ITSN2: variants seen among roughly 807,000 people sequenced by gnomAD.
The protein encoded by ITSN2 is intersectin 2.
ITSN2 carries 156 observed loss-of-function variants against 243.7 expected under a neutral mutation model. The observed-to-expected ratio is 0.64, with a 90% CI of 0.56 to 0.73. ITSN2 has a LOEUF of 0.73. ITSN2 is among the 30% of genes least tolerant of loss of function. The pLI is 0.00. For synonymous variants in ITSN2, 703 were observed against 699.9 expected (o/e 1.00, Z -0.07); for missense variants, 1,801 against 1,996.1 (o/e 0.90, Z 1.86).
At chr2:24,250,048 A>G (rs1673894899) in intron 25 of ITSN2, among the ~76,000 whole-genome samples, 1 of 152,222 alleles carries the variant, frequency 6.6e-6, no homozygotes, top group Admixed American at 6.5e-5. Flanking sequence ...GTTTCACTTA[A>G]TAATGTCTTT....
intron 37 of ITSN2, 102 bp from the exon 38 acceptor site, chr2:24,205,399 C>A: frequency 1.0e-6 from 1 of 969,354 alleles, no homozygotes; most frequent in Non-Finnish European, 1.6e-6. Flanking sequence ...CCCCATCTGC[C>A]ACTGCCCTGG....
intron 23 of ITSN2, among the ~76,000 whole-genome samples, chr2:24,255,312 G>A (rs1223827733): frequency 6.6e-6 from 1 of 152,204 alleles, no homozygotes. Flanking sequence ...TATGGTTGTT[G>A]TTACTGTTAT....
At chr2:24,313,879 G>T (rs1468185913) in intron 3 of ITSN2, among the ~76,000 whole-genome samples, 1 of 152,146 alleles carries the variant, frequency 6.6e-6, no homozygotes, top group Admixed American at 6.5e-5. Flanking sequence ...GGTGTTAGGA[G>T]AGAGAGTCCT....
At chr2:24,301,272 G>A in intron 10 of ITSN2, 33 bp from the exon 11 acceptor site, 1 of 1,358,010 alleles carries the variant, frequency 7.4e-7, no homozygotes, top group Non-Finnish European at 1.0e-6. Flanking sequence ...TTAGCATCAT[G>A]TAGTCTGGAC....
rs1198597659 is a variant in ITSN2 at position 24,301,222 on chromosome 2, T to C, written c.1013A>G (p.Asp338Gly). 1 of 1,606,390 alleles carries C rather than the reference T, an allele frequency of 6.2e-7. No homozygotes were observed. The highest frequency in any genetic ancestry group is 8.5e-7 in the Non-Finnish European group (1 of 1,175,520). ...TGAAGGCAGAGTTCCATTAATGGAATCAATTTGCTTTCCTCCTCTAAAAAA... is the reference window on the plus strand; with the variant it reads ...TGAAGGCAGAGTTCCATTAATGGAACCAATTTGCTTTCCTCCTCTAAAAAA... ...PPSFRGGKQI[D>G]SINGTLPSYQ... is the part of the protein sequence containing the mutation. Residue 338 changes from aspartate to glycine, a missense_variant, in exon 11 of 40, where the codon GAT becomes GGT. Asp to Gly is a moderately conservative substitution (Grantham distance 94). Around this residue, in one of 5 missense-constraint regions of ITSN2, gnomAD observed 787 missense variants for 803.9 expected, o/e 0.98. Transcript: ENST00000355123.
Position 24,248,654 on chromosome 2 carries a change from C to G in ITSN2, c.3263G>C (p.Ser1088Thr). 1 of 1,610,036 alleles carries G rather than the reference C, an allele frequency of 6.2e-7. No homozygotes were observed. Among genetic ancestry groups the G allele is most frequent in the Non-Finnish European group, 8.5e-7 (1 of 1,177,332 alleles). The change falls in exon 27 of 40, where the codon AGT becomes ACT. Residue 1088 changes from serine (S) to threonine (T), a missense_variant. Physicochemically the swap from Ser to Thr is moderately conservative, Grantham distance 58. This residue lies in a region of ITSN2 where 928 missense variants were observed against 1,065.4 expected (regional missense o/e 0.87). Coordinates refer to ENST00000355123, the MANE Select transcript of ITSN2 (RefSeq NM_006277.3). The part of the protein sequence containing the change: ...QLILILKKNT[S>T]GWWQGELQAR... ...CTGTAACTCTCCTTGCCACCACCCA[C>G]TTGTATTTTTCTTTAGAATTAATAT...
intron 20 of ITSN2, among the ~76,000 whole-genome samples, chr2:24,268,782 C>T (rs1676985966): frequency 6.6e-6 from 1 of 151,774 alleles, no homozygotes; most frequent in South Asian, 2.1e-4. Flanking sequence ...CTTCCCTCAA[C>T]CCACATTTCT....
chr2:24,234,278 G>GAAAA, intron 29 of ITSN2, among the ~76,000 whole-genome samples: 1 of 145,390 alleles, frequency 6.9e-6, no homozygotes, highest in Non-Finnish European at 1.5e-5. Flanking sequence ...ATCCAAATGC[G>GAAAA]AAAAAAAAAA....
Position 24,286,324 on chromosome 2 carries a change from T to A in ITSN2, c.1751A>T (p.Lys584Ile), listed in dbSNP as rs1189564664. 14 of 1,611,694 alleles carry A rather than the reference T, an allele frequency of 8.7e-6. No homozygotes were observed. Among genetic ancestry groups the A allele is most frequent in the Middle Eastern group, 3.3e-4 (2 of 6,014 alleles). The change falls in exon 16 of 40, where the codon AAA (lysine) becomes ATA (isoleucine). Residue 584 changes from lysine (K) to isoleucine (I), a missense_variant. By Grantham distance (102) the Lys-to-Ile change is moderately radical (BLOSUM62 -3). Around this residue, in one of 5 missense-constraint regions of ITSN2, gnomAD observed 787 missense variants for 803.9 expected, o/e 0.98. Coordinates refer to ENST00000355123, the MANE Select transcript of ITSN2 (RefSeq NM_006277.3). Reference protein sequence around the residue: ...PDSGVSLLHKKSLEKEELCQR... With the variant: ...PDSGVSLLHKISLEKEELCQR... Reference sequence around the variant, plus strand: ...GCATAATTCTTCCTTTTCTAATGATTTTTTATGAAGTAAACTGACCCCTGA... The same window carrying A: ...GCATAATTCTTCCTTTTCTAATGATATTTTATGAAGTAAACTGACCCCTGA...
At chr2:24,212,558 G>T in intron 33 of ITSN2, 92 bp downstream of exon 33, 1 of 905,440 alleles carries the variant, frequency 1.1e-6, no homozygotes, top group Non-Finnish European at 1.7e-6. Flanking sequence ...GGGTGAGGTG[G>T]CATGCTCAGG....
chr2:24,226,779 A>C (rs566778669), intron 29 of ITSN2, among the ~76,000 whole-genome samples: 1 of 152,290 alleles, frequency 6.6e-6, no homozygotes, highest in South Asian at 2.1e-4. Flanking sequence ...CAAAGGAATC[A>C]ATATTACTGT....
intron 30 of ITSN2, among the ~76,000 whole-genome samples, chr2:24,219,538 A>C (rs1670259669): frequency 6.6e-6 from 1 of 152,158 alleles, no homozygotes; most frequent in Non-Finnish European, 1.5e-5. Flanking sequence ...CTAGCCATCC[A>C]TGTAGCTGCT....
intron 27 of ITSN2, 122 bp downstream of exon 27, chr2:24,248,507 A>T (rs1231389322): frequency 1.4e-6 from 1 of 691,080 alleles, no homozygotes; most frequent in Admixed American, 3.2e-5. Flanking sequence ...AAATATTGAT[A>T]TTGATTACCT....
intron 1 of ITSN2, among the ~76,000 whole-genome samples, chr2:24,354,449 A>G (rs1025537227): frequency 6.6e-6 from 1 of 152,216 alleles, no homozygotes; most frequent in Non-Finnish European, 1.5e-5. Context: ...CAAAATAAGA[A>G]CTATGTTAGG....
chr2:24,256,725 C>T (rs890870836), intron 23 of ITSN2, among the ~76,000 whole-genome samples: 9 of 151,916 alleles, frequency 5.9e-5, no homozygotes, highest in Admixed American at 5.2e-4. Context: ...AGGATTAGAA[C>T]AGGCATGAAG....
At chr2:24,327,459 C>T (rs1287219834) in intron 2 of ITSN2, among the ~76,000 whole-genome samples, 4 of 151,818 alleles carry the variant, frequency 2.6e-5, no homozygotes, top group Admixed American at 6.6e-5. Context: ...TGACCACACT[C>T]GGCTAGTTTT....
chr2:24,297,631 G>A (rs2151639591), intron 13 of ITSN2, among the ~76,000 whole-genome samples: 1 of 152,244 alleles, frequency 6.6e-6, no homozygotes, highest in African/African-American at 2.4e-5. Flanking sequence ...GTGAAGCGTG[G>A]GAAGAATTAG....
intron 18 of ITSN2, among the ~76,000 whole-genome samples, chr2:24,272,913 A>G (rs1447545617): frequency 2.6e-5 from 4 of 152,158 alleles, no homozygotes; most frequent in African/African-American, 9.7e-5. Context: ...GAACTCATGC[A>G]TCTTATAGTT....
At chr2:24,252,016 C>T (rs563322205) in intron 25 of ITSN2, among the ~76,000 whole-genome samples, 5 of 152,286 alleles carry the variant, frequency 3.3e-5, no homozygotes, top group African/African-American at 9.6e-5. Context: ...TGGCGAACTA[C>T]TTCAAGGTGG....
Sources: allele counts gnomAD v4.1 joint callset (sites outside exome capture counted in the v4.1 genomes callset), GRCh38; gene constraint gnomAD v4.1.1; regional missense constraint gnomAD v4.1.1; transcripts MANE v1.5; gene names NCBI Gene and HGNC (gene_info 2026-07-23, HGNC 2026-07-21).